Variants in RPTOR observed in about 807,000 individuals in gnomAD.
The protein encoded by RPTOR is regulatory-associated protein of mTOR.
In RPTOR, 21 loss-of-function variants were observed where a neutral mutation model predicts 169.9. That is an observed-to-expected ratio of 0.12 (90% confidence interval 0.09 to 0.18). The LOEUF (loss-of-function observed/expected upper bound fraction) is 0.18. RPTOR is among the 10% of genes least tolerant of loss of function. The pLI is 1.00. For missense variants in RPTOR, 1,133 were observed against 1,855.9 expected (o/e 0.61, Z 7.16); for synonymous variants, 732 against 753.2 (o/e 0.97, Z 0.46).
intron 1 of RPTOR, among the ~76,000 whole-genome samples, chr17:80,601,480 C>T (rs1260653552): frequency 6.6e-6 from 1 of 152,054 alleles, no homozygotes; most frequent in Non-Finnish European, 1.5e-5. Flanking sequence ...TCTCATCCCA[C>T]ACATCCCAGC....
rs1478554241 is a variant in RPTOR at position 80,936,620 on chromosome 17, A to G, written c.2920-3876A>G. On this transcript the variant is annotated intron_variant, in intron 24 of 33. Coordinates refer to ENST00000306801, the MANE Select transcript of RPTOR (RefSeq NM_020761.3). The surrounding 1 kb of genome is among the most constrained non-coding windows in gnomAD (Gnocchi z 4.1). ...AGACTGTATCCTGTATGATCCATGT[A>G]TACAACATTCCAGGGAAGGCAAAAC... 1.3e-5 allele frequency among the ~76,000 whole-genome samples: 2 copies of G among 152,254 alleles called. No individual in the cohort carries two copies. Among genetic ancestry groups the G allele is most frequent in the East Asian group, 1.9e-4 (1 of 5,202 alleles).
chr17:80,900,598 G>T (rs1202498800), intron 20 of RPTOR, among the ~76,000 whole-genome samples: 1 of 152,252 alleles, frequency 6.6e-6, no homozygotes, highest in Non-Finnish European at 1.5e-5. Flanking sequence ...TTACAGGCAT[G>T]AGCCACTGTG....
chr17:80,785,145 TTCA>T (rs1315189034), intron 6 of RPTOR, among the ~76,000 whole-genome samples: 1 of 152,222 alleles, frequency 6.6e-6, no homozygotes, highest in Non-Finnish European at 1.5e-5. Flanking sequence ...CAGTGACACC[TTCA>T]TCAGTGTAAA....
At position 80,957,786 on chromosome 17, in the gene RPTOR, T is replaced by C; in HGVS notation, c.3477+56T>C. 6.6e-7 allele frequency: 1 copy of C among 1,513,896 alleles called. No homozygotes were observed. The highest frequency in any genetic ancestry group is 9.2e-7 in the Non-Finnish European group (1 of 1,090,618). The allele number at this position is 1,513,896 out of a possible 1,614,324, so 93.8% of individuals were successfully genotyped here. A position where few individuals can be genotyped will look rare whatever the true frequency, so the allele number is the denominator to read the frequency against. On this transcript the variant is annotated intron_variant, in intron 29 of 33. Coordinates refer to ENST00000306801, the MANE Select transcript of RPTOR (RefSeq NM_020761.3). The surrounding 1 kb of genome is among the most constrained non-coding windows in gnomAD (Gnocchi z 4.6). ...GCCTGTGGGGCAGTGTGTGCAGGGC[T>C]GGTCCTCGTCACAGAACCCAGCAAA...
chr17:80,942,501 C>T (rs1367673542), intron 25 of RPTOR, among the ~76,000 whole-genome samples: 1 of 151,992 alleles, frequency 6.6e-6, no homozygotes, highest in Non-Finnish European at 1.5e-5. Flanking sequence ...CAAATGAGGC[C>T]TCAAGACACA....
chr17:80,760,776 C>G (rs9902665), intron 6 of RPTOR, among the ~76,000 whole-genome samples: 1 of 151,854 alleles, frequency 6.6e-6, no homozygotes, highest in African/African-American at 2.4e-5. Context: ...AGGTGGATTC[C>G]CTCCCTCCCT....
intron 5 of RPTOR, among the ~76,000 whole-genome samples, chr17:80,734,216 C>G (rs1054994322): frequency 5.9e-5 from 9 of 152,240 alleles, no homozygotes; most frequent in Non-Finnish European, 1.2e-4. Context: ...ACCACTTCCT[C>G]CACTGATAGA....
intron 1 of RPTOR, among the ~76,000 whole-genome samples, chr17:80,582,892 C>T (rs1379783913): frequency 2.0e-5 from 3 of 151,038 alleles, no homozygotes; most frequent in Middle Eastern, 3.4e-3. Context: ...AATTTTTAGT[C>T]TCTATTATTC....
chr17:80,796,783 T>C (rs564567490), intron 7 of RPTOR, among the ~76,000 whole-genome samples: 4 of 152,364 alleles, frequency 2.6e-5, no homozygotes, highest in African/African-American at 9.6e-5. Flanking sequence ...TCACTAAGAA[T>C]CCACGTCAGC....
chr17:80,739,149 G>C (rs940674108), intron 5 of RPTOR, among the ~76,000 whole-genome samples: 9 of 34,630 alleles, frequency 2.6e-4, no homozygotes, highest in African/African-American at 1.2e-3. Context: ...CACCTCTGCC[G>C]CCACCACGGA....
intron 7 of RPTOR, among the ~76,000 whole-genome samples, chr17:80,815,914 G>A (rs950071430): frequency 4.1e-5 from 6 of 145,920 alleles, no homozygotes; most frequent in Non-Finnish European, 7.5e-5. Flanking sequence ...CACGTGCCCC[G>A]TCAATCAGGG....
intron 2 of RPTOR, among the ~76,000 whole-genome samples, chr17:80,631,244 C>T (rs188884474): frequency 6.6e-6 from 1 of 152,216 alleles, no homozygotes; most frequent in Admixed American, 6.5e-5. Context: ...TGAGGGTCTC[C>T]TGCTTTGCTT....
chr17:80,562,367 TACCCCTGCTTCCCCTCAC>T lies in RPTOR; in HGVS notation c.162+16577_162+16594del, dbSNP rs2084510291. Among the ~76,000 whole-genome samples the T allele has an allele frequency of 6.6e-6, 1 of 152,212 alleles. No homozygotes were observed. The highest frequency in any genetic ancestry group is 2.4e-5 in the African/African-American group (1 of 41,446). Reference sequence around the variant, plus strand: ...TGCCCCTCAGTGTGTGGCCTTCGTTTACCCCTGCTTCCCCTCACTCCCCTGCTTGGGGGCTGGGTGGTC... The same window carrying T: ...TGCCCCTCAGTGTGTGGCCTTCGTTTTCCCCTGCTTGGGGGCTGGGTGGTC... On this transcript the variant is annotated intron_variant, in intron 1 of 33. Coordinates refer to ENST00000306801, the MANE Select transcript of RPTOR (RefSeq NM_020761.3). The surrounding 1 kb of genome is among the most constrained non-coding windows in gnomAD (Gnocchi z 4.4).
chr17:80,613,617 A>C (rs1414880618), intron 1 of RPTOR, among the ~76,000 whole-genome samples: 4 of 149,840 alleles, frequency 2.7e-5, no homozygotes, highest in African/African-American at 7.6e-5. Context: ...GTGTGGACAC[A>C]GGTGCTCTCT....
intron 9 of RPTOR, among the ~76,000 whole-genome samples, chr17:80,828,890 T>C (rs2067473597): frequency 6.6e-6 from 1 of 152,134 alleles, no homozygotes; most frequent in African/African-American, 2.4e-5. Flanking sequence ...TATTCATGAG[T>C]ATGCAAAATA....
chr17:80,942,056 C>T (rs1397507489), intron 25 of RPTOR: 1 of 152,212 alleles, frequency 6.6e-6, no homozygotes, highest in African/African-American at 2.4e-5. Flanking sequence ...TGTTGCAATC[C>T]GGTGCGTGCT....
intron 6 of RPTOR, among the ~76,000 whole-genome samples, chr17:80,784,180 G>A (rs752942127): frequency 2.5e-4 from 38 of 151,772 alleles, no homozygotes; most frequent in South Asian, 2.1e-4. Flanking sequence ...CCTCACACTC[G>A]TGTCCTCAAG....
intron 13 of RPTOR, among the ~76,000 whole-genome samples, chr17:80,869,689 C>T (rs576584115): frequency 4.6e-5 from 7 of 152,230 alleles, no homozygotes; most frequent in African/African-American, 1.7e-4. Flanking sequence ...AGGACTGTGT[C>T]GCTGTCACGT....
At chr17:80,942,152 T>A (rs1406371953) in intron 25 of RPTOR, 1 of 151,810 alleles carries the variant, frequency 6.6e-6, no homozygotes, top group Non-Finnish European at 1.5e-5. Context: ...CGTCTCCAGG[T>A]GGCGGCGACA....
Sources: allele counts gnomAD v4.1 joint callset (sites outside exome capture counted in the v4.1 genomes callset), GRCh38; gene constraint gnomAD v4.1.1; non-coding constraint Gnocchi (gnomAD v3.1); transcripts MANE v1.5; gene names NCBI Gene and HGNC (gene_info 2026-07-23, HGNC 2026-07-21).